The following SOX6 variants were observed in gnomAD, a reference collection of about 807,000 sequenced individuals.
The protein encoded by SOX6 is transcription factor SOX-6.
Under a neutral mutation model 97.8 loss-of-function variants are expected in SOX6, and 11 were observed. The observed-to-expected ratio is 0.11, with a 90% confidence interval of 0.07 to 0.19. The LOEUF is 0.19. Among genes scored for constraint, SOX6 ranks in the 10% least tolerant of loss-of-function variants. The pLI is 1.00. For missense variants in SOX6, 810 were observed against 1,039.5 expected (o/e 0.78, Z 3.04); for synonymous variants, 360 against 371.4 (o/e 0.97, Z 0.35).
intron 6 of SOX6, among the ~76,000 whole-genome samples, chr11:16,160,068 C>T (rs549853821): frequency 2.0e-5 from 3 of 152,008 alleles, no homozygotes; most frequent in Non-Finnish European, 2.9e-5. Context: ...ATTAATGTAA[C>T]GTACAAGGCT....
intron 12 of SOX6, among the ~76,000 whole-genome samples, chr11:16,017,450 G>A (rs1175974517): frequency 6.6e-6 from 1 of 152,040 alleles, no homozygotes; most frequent in Admixed American, 6.6e-5. Context: ...TTGTGTTTGA[G>A]ATTAAAGAAG....
chr11:16,208,325 A>C (rs1852127199), intron 4 of SOX6, among the ~76,000 whole-genome samples: 1 of 152,212 alleles, frequency 6.6e-6, no homozygotes, highest in African/African-American at 2.4e-5. Context: ...CCATACACCT[A>C]AATTGTATGC....
chr11:16,498,763 C>A (rs1860652862), intron 4 of SOX6, among the ~76,000 whole-genome samples: 1 of 152,162 alleles, frequency 6.6e-6, no homozygotes, highest in Admixed American at 6.5e-5. Flanking sequence ...AGCTAACTAT[C>A]CTAAATATAT....
rs1168324690 is a variant in SOX6 at position 16,706,472 on chromosome 11, ATATATATAT to A, written n.429+8349_429+8357del. On this transcript the variant is annotated intron_variant and non_coding_transcript_variant, in intron 3 of 5. Transcript: ENST00000524520. ...CACAAAAAAAAAAAAAAAAAAAAAA[ATATATATAT>A]ATATATATATATATATATATATATA... Among the ~76,000 whole-genome samples, 9 of 16,506 alleles carry A rather than the reference ATATATATAT, an allele frequency of 5.5e-4. 1 individual carries two copies. The highest frequency in any genetic ancestry group is 1.4e-3 in the African/African-American group (3 of 2,098). The allele number at this position is 16,506 out of a possible 152,430, so 10.8% of individuals were successfully genotyped here. A position where few individuals can be genotyped will look rare whatever the true frequency, so the allele number is the denominator to read the frequency against.
chr11:16,475,525 C>T (rs1860226346), intron 1 of SOX6, among the ~76,000 whole-genome samples: 1 of 152,094 alleles, frequency 6.6e-6, no homozygotes. Context: ...GGAAGAACAG[C>T]CAGTTGGTGG....
rs182396969 is a variant in SOX6, at chr11:16,439,794, G to A, written c.-5+36521C>T. Among the ~76,000 whole-genome samples, 701 of 152,264 alleles carry A rather than the reference G, an allele frequency of 4.6e-3. 5 individuals carry two copies. The highest frequency in any genetic ancestry group is 0.016 in the African/African-American group (679 of 41,562). On this transcript the variant is annotated intron_variant, in intron 1 of 15. Coordinates refer to the SOX6 transcript ENST00000396356. ...ACAGTTGTCTTTCCACAGCAAGATT[G>A]TCCCAATAATTCCTACACTATGTAA...
At chr11:16,386,347 TG>T (rs1857985999) in intron 1 of SOX6, among the ~76,000 whole-genome samples, 1 of 113,180 alleles carries the variant, frequency 8.8e-6, no homozygotes, top group African/African-American at 3.4e-5. Flanking sequence ...GGGGGGCAGG[TG>T]GGGGGTGAAG....
rs1339544163 is a variant in SOX6 at position 16,718,319 on chromosome 11, T to C, written n.354-3414A>G. 3.9e-5 allele frequency among the ~76,000 whole-genome samples: 6 copies of C among 152,188 alleles called. No individual in the cohort carries two copies. In the South Asian group the frequency reaches 1.0e-3, roughly 26 times the overall value. The stretch of plus-strand genomic sequence containing the variant: ...CAGACTTCTAAGATCCCATACACAA[T>C]GGACATCTCTAATGACTTAGAGAAT... On this transcript the variant is annotated intron_variant and non_coding_transcript_variant, in intron 2 of 5. Coordinates refer to the SOX6 transcript ENST00000524520.
intron 9 of SOX6, among the ~76,000 whole-genome samples, chr11:16,063,497 TA>T (rs1454621275): frequency 0.46 from 4,376 of 9,534 alleles, 536 homozygotes; most frequent in African/African-American, 0.53. Context: ...ACCATAATTT[TA>T]TATATATATA....
chr11:16,734,829 A>T (rs1848379874), intron 2 of SOX6, among the ~76,000 whole-genome samples: 1 of 152,246 alleles, frequency 6.6e-6, no homozygotes. Context: ...AGTCTAGAAC[A>T]GTCAACAAGA....
upstream of SOX6, among the ~76,000 whole-genome samples, chr11:16,359,308 T>A (rs184041705): frequency 3.7e-4 from 56 of 151,868 alleles, no homozygotes; most frequent in Non-Finnish European, 7.1e-4. Context: ...AACTATGGAG[T>A]GCATGGTGGG....
chr11:16,151,001 C>A lies in SOX6; in HGVS notation c.777+32885G>T, dbSNP rs185114708. ...TACAGCAGAATAAGACTCATATTAT[C>A]CTCTATTTTCTGCTTTAACAATCAA... is the stretch of plus-strand genomic sequence containing the variant. On this transcript the variant is annotated intron_variant, in intron 6 of 15. Coordinates refer to ENST00000683767, the MANE Select transcript of SOX6 (RefSeq NM_001367873.1). Among the ~76,000 whole-genome samples the A allele has an allele frequency of 2.4e-4, 36 of 152,222 alleles. 1 individual carries two copies. The East Asian group carries it at 5.4e-3, about 23-fold the overall frequency.
chr11:16,270,309 A>G (rs2134228237), intron 3 of SOX6, among the ~76,000 whole-genome samples: 1 of 151,344 alleles, frequency 6.6e-6, no homozygotes, highest in East Asian at 1.9e-4. Context: ...CATCTGCTAG[A>G]ATGACTATAA....
chr11:16,553,551 C>T (rs992481014), intron 4 of SOX6, among the ~76,000 whole-genome samples: 2 of 150,840 alleles, frequency 1.3e-5, no homozygotes, highest in Non-Finnish European at 2.9e-5. Flanking sequence ...CCAGGGATCA[C>T]TTTTGTCACC....
At chr11:16,670,242 C>G (rs879715329) in intron 3 of SOX6, among the ~76,000 whole-genome samples, 1 of 152,088 alleles carries the variant, frequency 6.6e-6, no homozygotes, top group Non-Finnish European at 1.5e-5. Context: ...AAGAAACAAA[C>G]AGATTGAGGG....
At chr11:16,550,789 T>C (rs1847675162) in intron 4 of SOX6, among the ~76,000 whole-genome samples, 1 of 152,188 alleles carries the variant, frequency 6.6e-6, no homozygotes, top group Admixed American at 6.5e-5. Flanking sequence ...AGGTAGACTG[T>C]GATGTTAAAG....
intron 4 of SOX6, among the ~76,000 whole-genome samples, chr11:16,515,955 G>A (rs1860964286): frequency 2.6e-5 from 4 of 151,288 alleles, no homozygotes; most frequent in Admixed American, 2.0e-4. Flanking sequence ...CTGTAGCCTT[G>A]TAGTATAGTT....
chr11:16,110,860 C>T (rs1590202989), intron 7 of SOX6, among the ~76,000 whole-genome samples: 1 of 152,152 alleles, frequency 6.6e-6, no homozygotes, highest in South Asian at 2.1e-4. Context: ...TATTAAAACG[C>T]CTTTGTTCAC....
At chr11:16,072,391 C>CA (rs1377532023) in intron 9 of SOX6, among the ~76,000 whole-genome samples, 4 of 151,584 alleles carry the variant, frequency 2.6e-5, no homozygotes, top group Non-Finnish European at 4.4e-5. Context: ...CAGACAAAAA[C>CA]AAAAAAATAA....
Sources: allele counts gnomAD v4.1 joint callset (sites outside exome capture counted in the v4.1 genomes callset), GRCh38; gene constraint gnomAD v4.1.1; transcripts MANE v1.5; gene names NCBI Gene and HGNC (gene_info 2026-07-23, HGNC 2026-07-21).